Variants in IPCEF1 observed in about 807,000 individuals in gnomAD.
IPCEF1 encodes the protein interaction protein for cytohesin exchange factors 1.
In IPCEF1, 31 loss-of-function variants were observed where a neutral mutation model predicts 50.9. The observed-to-expected ratio is 0.61, with a 90% CI of 0.46 to 0.82. The LOEUF (loss-of-function observed/expected upper bound fraction) is 0.82, where lower values mean the gene tolerates loss of function less well. IPCEF1 is among the 40% of genes least tolerant of loss of function. The pLI is 0.00. For synonymous variants in IPCEF1, 181 were observed against 192.0 expected (o/e 0.94, Z 0.47); for missense variants, 458 against 514.0 (o/e 0.89, Z 1.05).
intron 1 of IPCEF1, among the ~76,000 whole-genome samples, chr6:154,345,789 T>C (rs1409448265): frequency 6.6e-6 from 1 of 152,138 alleles, no homozygotes; most frequent in Non-Finnish European, 1.5e-5. Flanking sequence ...TGGTAAATTA[T>C]TATATCTAAA....
intron 3 of IPCEF1, among the ~76,000 whole-genome samples, chr6:154,265,053 A>T (rs1015832590): frequency 6.6e-6 from 1 of 152,150 alleles, no homozygotes; most frequent in Admixed American, 6.6e-5. Flanking sequence ...ATCCATCATG[A>T]GGTCATTAGA....
intron 10 of IPCEF1, among the ~76,000 whole-genome samples, chr6:154,171,730 G>A (rs1209322288): frequency 6.6e-6 from 1 of 152,220 alleles, no homozygotes; most frequent in African/African-American, 2.4e-5. Flanking sequence ...ATGGGGTCAA[G>A]CTGGAGACAC....
In IPCEF1 at chr6:154,333,624, G is replaced by GTATACAAGTATACATATATACA. The variant is rs1562293363; in HGVS notation, c.-62+23047_-62+23048insTGTATATATGTATACTTGTATA. Among the ~76,000 whole-genome samples the GTATACAAGTATACATATATACA allele has an allele frequency of 4.9e-5, 7 of 142,584 alleles. No homozygotes were observed. The East Asian group carries it at 1.2e-3, about 24-fold the overall frequency. The allele number at this position is 142,584 out of a possible 152,430, so 93.5% of individuals were successfully genotyped here. The stretch of plus-strand genomic sequence containing the variant: ...TATGTATACAAGTATACATATATAC[G>GTATACAAGTATACATATATACA]TACATATGTATACAAGTATACATGT... On this transcript the variant is annotated intron_variant, in intron 1 of 11. Transcript: ENST00000367220.
chr6:154,282,378 A>C (rs893545817), intron 2 of IPCEF1, among the ~76,000 whole-genome samples: 1 of 152,082 alleles, frequency 6.6e-6, no homozygotes, highest in African/African-American at 2.4e-5. Context: ...TAGCGATAGA[A>C]GTGGTAAGAA....
chr6:154,287,527 TAAGCAGTTTGCCCAAGGTC>T (rs1484246235), intron 2 of IPCEF1, among the ~76,000 whole-genome samples: 1 of 152,256 alleles, frequency 6.6e-6, no homozygotes, highest in African/African-American at 2.4e-5. Context: ...GCATAAAGGT[TAAGCAGTTTGCCCAAGGTC>T]ATACAGATTG....
chr6:154,233,044 C>T (rs1448054398), intron 5 of IPCEF1, among the ~76,000 whole-genome samples: 1 of 150,744 alleles, frequency 6.6e-6, no homozygotes, highest in Non-Finnish European at 1.5e-5. Context: ...TCTCATCTCA[C>T]TGCAACCTCC....
chr6:154,244,363 T>A (rs1281152649), intron 5 of IPCEF1, among the ~76,000 whole-genome samples: 1 of 151,712 alleles, frequency 6.6e-6, no homozygotes, highest in Admixed American at 6.6e-5. Flanking sequence ...AGAATTCCCC[T>A]ACATACCATT....
chr6:154,340,884 C>CA (rs59726979), intron 1 of IPCEF1, among the ~76,000 whole-genome samples: 10,850 of 128,610 alleles, frequency 0.084, 510 homozygotes, highest in Middle Eastern at 0.16. Context: ...AACTCCGTCT[C>CA]AAAAAAAAAA....
Position 154,214,241 on chromosome 6 carries a change from T to C in IPCEF1, c.428A>G (p.Gln143Arg). ...LNKLGSAVIHQESTTKDEECY... is the reference protein window; with the variant it reads ...LNKLGSAVIHRESTTKDEECY... ...ACCTTCATCCTTTGTAGTGGATTCC[T>C]GATGGATTACAGCCGATCCAAGTTT... Residue 143 changes from glutamine (Q) to arginine (R), a missense_variant, in exon 8 of 12, where the codon CAG becomes CGG. Gln to Arg is a conservative substitution (Grantham distance 43, BLOSUM62 1). Transcript: ENST00000367220. 1 of 1,610,904 alleles carries C rather than the reference T, an allele frequency of 6.2e-7. No homozygotes were observed. The highest frequency in any genetic ancestry group is 8.5e-7 in the Non-Finnish European group (1 of 1,177,030).
chr6:154,278,392 T>C (rs1446241126), intron 2 of IPCEF1, among the ~76,000 whole-genome samples: 7 of 152,198 alleles, frequency 4.6e-5, no homozygotes, highest in Admixed American at 2.0e-4. Context: ...AAGTAGAGAA[T>C]GGGAATCCAA....
At chr6:154,279,623 A>G (rs1782157968) in intron 2 of IPCEF1, among the ~76,000 whole-genome samples, 1 of 152,220 alleles carries the variant, frequency 6.6e-6, no homozygotes, top group South Asian at 2.1e-4. Context: ...AAATACTGTC[A>G]TTTCCCCCAC....
chr6:154,285,349 A>T (rs1412612972), intron 2 of IPCEF1, among the ~76,000 whole-genome samples: 1 of 152,210 alleles, frequency 6.6e-6, no homozygotes, highest in Non-Finnish European at 1.5e-5. Context: ...TAATAAATGC[A>T]GAAAATTTTC....
At chr6:154,211,890 G>A (rs74514478) in intron 9 of IPCEF1, among the ~76,000 whole-genome samples, 2,552 of 152,204 alleles carry the variant, frequency 0.017, 25 homozygotes, top group Non-Finnish European at 0.025. Flanking sequence ...AGAAAAAGGA[G>A]GAGGAGGAAG....
chr6:154,274,637 C>T (rs1351381048), intron 2 of IPCEF1, among the ~76,000 whole-genome samples: 1 of 152,200 alleles, frequency 6.6e-6, no homozygotes, highest in Non-Finnish European at 1.5e-5. Context: ...TGCTGAACTA[C>T]AGGGGTCTCT....
At chr6:154,178,916 A>C (rs1800589926) in intron 10 of IPCEF1, among the ~76,000 whole-genome samples, 1 of 152,228 alleles carries the variant, frequency 6.6e-6, no homozygotes, top group African/African-American at 2.4e-5. Context: ...AGCATAAAAC[A>C]GTAAAATAAT....
chr6:154,268,530 C>G (rs1311612011), intron 2 of IPCEF1, among the ~76,000 whole-genome samples: 1 of 152,214 alleles, frequency 6.6e-6, no homozygotes, highest in Non-Finnish European at 1.5e-5. Flanking sequence ...CAAGAACATC[C>G]TAACTGATGT....
At chr6:154,173,411 T>A (rs1336000441) in intron 10 of IPCEF1, among the ~76,000 whole-genome samples, 3 of 152,054 alleles carry the variant, frequency 2.0e-5, no homozygotes, top group Non-Finnish European at 4.4e-5. Context: ...GCAAGGATGC[T>A]AAAAACCTTG....
intron 1 of IPCEF1, among the ~76,000 whole-genome samples, chr6:154,327,723 T>G (rs755635551): frequency 1.3e-5 from 2 of 152,218 alleles, no homozygotes; most frequent in South Asian, 2.1e-4. Context: ...TTACTGGGTA[T>G]GTACCCAAAG....
At chr6:154,325,368 C>T (rs1010341524) in intron 1 of IPCEF1, among the ~76,000 whole-genome samples, 5 of 152,124 alleles carry the variant, frequency 3.3e-5, no homozygotes, top group Non-Finnish European at 7.3e-5. Flanking sequence ...ATTTTTAGAA[C>T]TACATTGTAT....
Sources: allele counts gnomAD v4.1 joint callset (sites outside exome capture counted in the v4.1 genomes callset), GRCh38; gene constraint gnomAD v4.1.1; transcripts MANE v1.5; gene names NCBI Gene and HGNC (gene_info 2026-07-23, HGNC 2026-07-21).